Variants in AFDN observed in about 807,000 individuals in gnomAD.
AFDN encodes the protein afadin.
In AFDN, 68 loss-of-function variants were observed where a neutral mutation model predicts 216.6. The ratio of observed to expected loss-of-function variants is 0.31; its 90% CI spans 0.26 to 0.38. AFDN has a LOEUF of 0.38. Among genes scored for constraint, AFDN ranks in the 10% least tolerant of loss-of-function variants. The pLI is 1.00. For missense variants in AFDN, 2,136 were observed against 2,342.0 expected, an observed-to-expected ratio of 0.91 and a Z score of 1.82; for synonymous variants, 868 against 853.7, an observed-to-expected ratio of 1.02 and a Z score of -0.29.
chr6:167,944,151 T>C, intron 26 of AFDN, 92 bp downstream of exon 26: 1 of 958,768 alleles, frequency 1.0e-6, no homozygotes, highest in Non-Finnish European at 1.6e-6. Context: ...GGTGTTACTA[T>C]CGCCCCAGTT....
chr6:167,936,941 A>G (rs1005700422), intron 23 of AFDN, among the ~76,000 whole-genome samples: 1 of 152,230 alleles, frequency 6.6e-6, no homozygotes, highest in Non-Finnish European at 1.5e-5. Flanking sequence ...TTTTGCTAAG[A>G]TAATTACCAG....
chr6:167,897,642 CTTTTT>C lies in AFDN; in HGVS notation c.1318-542_1318-538del, dbSNP rs57383020. 9.4e-3 allele frequency among the ~76,000 whole-genome samples: 839 copies of C among 89,668 alleles called. 6 individuals carry two copies. The highest frequency in any genetic ancestry group is 0.046 in the South Asian group (110 of 2,396). 58.8% of individuals were successfully genotyped at this position (89,668 alleles called of 152,430 possible). On this transcript the variant is annotated intron_variant, in intron 10 of 33. Transcript: ENST00000683244. ...AATATTGGTTAAGATGACTGTATGC[CTTTTT>C]TTTTTTTTTTTTTTTTTTTTGAGAC...
At position 167,954,716 on chromosome 6, in the gene AFDN, G is replaced by C. The variant is rs546286071; in HGVS notation, c.4833+2529G>C. Among the ~76,000 whole-genome samples the C allele has an allele frequency of 6.1e-4, 92 of 152,014 alleles. 1 individual carries two copies. Among genetic ancestry groups the C allele is most frequent in the South Asian group, 2.1e-4 (1 of 4,800 alleles). On this transcript the variant is annotated intron_variant, in intron 30 of 33. Coordinates refer to ENST00000683244, the MANE Select transcript of AFDN (RefSeq NM_001386888.1). ...TTTTAAGTGTTACTGTTTGTTTATG[G>C]TTTTGACCTTTTCTCGGTTTCAGTC...
chr6:167,937,861 G>A (rs1794200438), intron 23 of AFDN, among the ~76,000 whole-genome samples: 1 of 152,190 alleles, frequency 6.6e-6, no homozygotes, highest in Non-Finnish European at 1.5e-5. Context: ...TATTTATTCA[G>A]TAAAATTACA....
At chr6:167,909,272 A>T (rs1790093281) in intron 13 of AFDN, among the ~76,000 whole-genome samples, 1 of 152,056 alleles carries the variant, frequency 6.6e-6, no homozygotes, top group African/African-American at 2.4e-5. Context: ...GATAAAAAGA[A>T]GATTTGGGTT....
At chr6:167,845,500 C>T (rs1195426682) in intron 1 of AFDN, among the ~76,000 whole-genome samples, 1 of 152,004 alleles carries the variant, frequency 6.6e-6, no homozygotes, top group Admixed American at 6.6e-5. Flanking sequence ...CAGGTTCAAG[C>T]GATTCTCCTG....
intron 30 of AFDN, chr6:167,952,450 T>C (rs1562333056): frequency 1.0e-6 from 1 of 985,288 alleles, no homozygotes; most frequent in Non-Finnish European, 1.2e-6. Context: ...AGCAAACTCA[T>C]AATTATCCTT....
In AFDN at chr6:167,962,716, G is replaced by T; in HGVS notation, c.4968+149G>T. On this transcript the variant is annotated intron_variant, in intron 31 of 33. Transcript: ENST00000683244. The surrounding 1 kb of genome is among the most constrained non-coding windows in gnomAD (Gnocchi z 5.2). ...CTCCCCCAGCTTTGTGATTGGACCT[G>T]CAACTTTACCCCATCTGGCCCACCT... The T allele has an allele frequency of 6.5e-7, 1 of 1,527,404 alleles. No individual in the cohort carries two copies. The highest frequency in any genetic ancestry group is 1.3e-5 in the South Asian group (1 of 77,978). The allele number at this position is 1,527,404 out of a possible 1,614,324, so 94.6% of individuals were successfully genotyped here.
rs1208405443 is a variant in AFDN at position 167,827,124 on chromosome 6, G to A, written c.-9G>A. The A allele has an allele frequency of 1.6e-6, 2 of 1,268,958 alleles. No individual in the cohort carries two copies. Among genetic ancestry groups the A allele is most frequent in the Non-Finnish European group, 2.0e-6 (2 of 977,152 alleles). 78.6% of individuals were successfully genotyped at this position (1,268,958 alleles called of 1,614,324 possible). On this transcript the variant is annotated 5_prime_UTR_variant, in exon 1 of 34. Transcript: ENST00000683244. ...GGCCCCGCGCGGCTGAGGAGGCGCG[G>A]CCAGGACCATGTCGGCGGGCGGCCG...
At chr6:167,838,273 T>C (rs1780666564) in intron 1 of AFDN, among the ~76,000 whole-genome samples, 1 of 151,966 alleles carries the variant, frequency 6.6e-6, no homozygotes. Context: ...TTGACAGCAT[T>C]GGCTGTGACG....
intron 1 of AFDN, among the ~76,000 whole-genome samples, chr6:167,859,328 G>A (rs763524947): frequency 6.6e-6 from 1 of 152,156 alleles, no homozygotes; most frequent in Non-Finnish European, 1.5e-5. Context: ...CTAGCAACTG[G>A]TGTGTGTTGA....
At chr6:167,943,376 A>G (rs2128630965) in intron 24 of AFDN, 26 bp from the exon 25 acceptor site, 1 of 1,608,310 alleles carries the variant, frequency 6.2e-7, no homozygotes, top group Admixed American at 1.7e-5. Flanking sequence ...CCCCTAATCC[A>G]TGCACACACC....
At chr6:167,892,245 C>T (rs1182814267) in intron 8 of AFDN, among the ~76,000 whole-genome samples, 1 of 152,112 alleles carries the variant, frequency 6.6e-6, no homozygotes, top group Non-Finnish European at 1.5e-5. Context: ...TTGCTAACCT[C>T]AGTTCTCTGG....
chr6:167,881,536 C>T (rs1786110243), intron 6 of AFDN, among the ~76,000 whole-genome samples: 1 of 152,138 alleles, frequency 6.6e-6, no homozygotes, highest in Admixed American at 6.5e-5. Context: ...TGTATCCCAG[C>T]CCCAGGAAGA....
intron 1 of AFDN, among the ~76,000 whole-genome samples, chr6:167,852,170 T>G (rs1055273170): frequency 6.6e-6 from 1 of 152,180 alleles, no homozygotes; most frequent in African/African-American, 2.4e-5. Flanking sequence ...GAATTCTTTG[T>G]TATTATCTGT....
chr6:167,863,774 G>A (rs776483925), intron 1 of AFDN: 8 of 518,714 alleles, frequency 1.5e-5, no homozygotes, highest in Non-Finnish European at 2.3e-5. Context: ...ACCTTTGGCT[G>A]GAATACCAAT....
intron 13 of AFDN, among the ~76,000 whole-genome samples, chr6:167,908,209 A>G (rs1470204191): frequency 2.6e-5 from 4 of 152,206 alleles, no homozygotes; most frequent in African/African-American, 9.6e-5. Flanking sequence ...GCCCAGGGTC[A>G]CCTATCAGTT....
rs1298211728 is a variant in AFDN, at chr6:167,969,957, T to A, written c.*22T>A. The A allele has an allele frequency of 6.3e-7, 1 of 1,585,718 alleles. No individual in the cohort carries two copies. ...GTGAAAGAAAATGAGGAGAACACTTTGTATTTACCCCAAAATCTTTTCAGT... is the reference window on the plus strand; with the variant it reads ...GTGAAAGAAAATGAGGAGAACACTTAGTATTTACCCCAAAATCTTTTCAGT... On this transcript the variant is annotated 3_prime_UTR_variant, in exon 34 of 34. Coordinates refer to ENST00000683244, the MANE Select transcript of AFDN (RefSeq NM_001386888.1).
At chr6:167,933,138 AACTACAGCCTTTCTCTAAG>A (rs1193228917) in intron 23 of AFDN, among the ~76,000 whole-genome samples, 1 of 152,234 alleles carries the variant, frequency 6.6e-6, no homozygotes, top group Non-Finnish European at 1.5e-5. Flanking sequence ...AGGTGGTTTT[AACTACAGCCTTTCTCTAAG>A]ACCTGTTTTT....
Sources: allele counts gnomAD v4.1 joint callset (sites outside exome capture counted in the v4.1 genomes callset), GRCh38; gene constraint gnomAD v4.1.1; non-coding constraint Gnocchi (gnomAD v3.1); transcripts MANE v1.5; gene names NCBI Gene and HGNC (gene_info 2026-07-23, HGNC 2026-07-21).